ERBIN: variants seen among roughly 807,000 people sequenced by gnomAD.
ERBIN encodes densin-180-like protein.
ERBIN carries 60 observed loss-of-function variants against 158.4 expected under a neutral mutation model. The observed-to-expected ratio is 0.38, with a 90% confidence interval of 0.31 to 0.47. ERBIN has a LOEUF of 0.47. Among genes scored for constraint, ERBIN ranks in the 20% least tolerant of loss-of-function variants. The probability of loss-of-function intolerance (pLI) is 0.99; values close to 1 mark genes in which losing one functional copy is unlikely to be tolerated. For missense variants in ERBIN, 1,610 were observed against 1,648.0 expected, an observed-to-expected ratio of 0.98 and a Z score of 0.40; for synonymous variants, 594 against 557.2, an observed-to-expected ratio of 1.07 and a Z score of -0.93.
At chr5:65,958,493 C>G (rs1045529953) in intron 1 of ERBIN, among the ~76,000 whole-genome samples, 2 of 151,780 alleles carry the variant, frequency 1.3e-5, no homozygotes, top group Non-Finnish European at 2.9e-5. Context: ...GGGCGGTGCG[C>G]GCCTGCAATC....
intron 1 of ERBIN, among the ~76,000 whole-genome samples, chr5:65,968,341 A>G (rs932775909): frequency 2.6e-5 from 4 of 152,210 alleles, no homozygotes; most frequent in Non-Finnish European, 4.4e-5. Context: ...CTGAATATCA[A>G]ATAAGATATA....
At chr5:66,033,776 T>A (rs1014070260) in intron 14 of ERBIN, among the ~76,000 whole-genome samples, 1 of 152,028 alleles carries the variant, frequency 6.6e-6, no homozygotes, top group African/African-American at 2.4e-5. Flanking sequence ...TTGCAGAGCA[T>A]GTTTACAGGT....
At chr5:65,953,448 G>A (rs1031566870) in intron 1 of ERBIN, among the ~76,000 whole-genome samples, 2 of 152,176 alleles carry the variant, frequency 1.3e-5, no homozygotes, top group Non-Finnish European at 1.5e-5. Context: ...TGTATAGCTG[G>A]AGTGGTACCC....
chr5:65,944,167 C>A (rs559726127), intron 1 of ERBIN, among the ~76,000 whole-genome samples: 1 of 149,908 alleles, frequency 6.7e-6, no homozygotes. Flanking sequence ...TACACCGAAG[C>A]GGAATTGCTG....
Position 65,994,820 on chromosome 5 carries a change from T to C in ERBIN, c.263T>C (p.Ile88Thr). ...DNDLTTLPAS[I>T]ANLINLRELD... ...GATTTAACAACGTTACCAGCATCCA[T>C]TGCAAACCTTATTAATCTCAGGGAA... The change falls in exon 4 of 26, where the codon ATT becomes ACT. Residue 88 changes from isoleucine (I) to threonine (T), a missense_variant. Around this residue, in one of 2 missense-constraint regions of ERBIN, gnomAD observed 596 missense variants for 711.9 expected, o/e 0.84. Coordinates refer to ENST00000284037, the MANE Select transcript of ERBIN (RefSeq NM_001253697.2). The C allele has an allele frequency of 1.2e-6, 2 of 1,608,994 alleles. No individual in the cohort carries two copies. Among genetic ancestry groups the C allele is most frequent in the Non-Finnish European group, 1.7e-6 (2 of 1,178,566 alleles).
intron 1 of ERBIN, among the ~76,000 whole-genome samples, chr5:65,970,554 A>G (rs1382702661): frequency 6.6e-6 from 1 of 152,132 alleles, no homozygotes; most frequent in African/African-American, 2.4e-5. Context: ...CCTTACCACC[A>G]GACTATTTGG....
chr5:65,940,876 G>A (rs556993930), intron 1 of ERBIN, among the ~76,000 whole-genome samples: 12 of 152,268 alleles, frequency 7.9e-5, no homozygotes, highest in African/African-American at 2.9e-4. Flanking sequence ...GAATAGAAAG[G>A]GGGGAAAGGC....
intron 1 of ERBIN, among the ~76,000 whole-genome samples, chr5:65,957,709 C>G (rs1017334443): frequency 6.6e-6 from 1 of 152,240 alleles, no homozygotes; most frequent in African/African-American, 2.4e-5. Context: ...CATCATGGCC[C>G]GTTCTCAATG....
chr5:65,982,473 C>G (rs1033075954), intron 1 of ERBIN, among the ~76,000 whole-genome samples: 1 of 152,132 alleles, frequency 6.6e-6, no homozygotes, highest in Non-Finnish European at 1.5e-5. Context: ...ACCCAGTGTA[C>G]TCTCGATCAC....
At chr5:66,077,810 A>G (rs1762148844) in intron 25 of ERBIN, among the ~76,000 whole-genome samples, 1 of 134,788 alleles carries the variant, frequency 7.4e-6, no homozygotes, top group Non-Finnish European at 1.5e-5. Flanking sequence ...ACACACACAC[A>G]GTCACACTCA....
chr5:66,064,895 T>A (rs1212580000), intron 21 of ERBIN, among the ~76,000 whole-genome samples: 1 of 152,212 alleles, frequency 6.6e-6, no homozygotes, highest in Non-Finnish European at 1.5e-5. Flanking sequence ...AGACAGGGTC[T>A]CACTATGTTG....
intron 1 of ERBIN, among the ~76,000 whole-genome samples, chr5:65,954,780 T>C (rs1436883602): frequency 2.0e-5 from 3 of 150,572 alleles, no homozygotes; most frequent in Non-Finnish European, 4.4e-5. Context: ...AAAAATGCAT[T>C]GTAGGCCAGG....
In ERBIN at chr5:65,928,404, AAG is replaced by A. The variant is rs768021251; in HGVS notation, c.-58+1601_-58+1602del. On this transcript the variant is annotated intron_variant, in intron 1 of 25. Transcript: ENST00000284037. The stretch of plus-strand genomic sequence containing the variant: ...AAAGAGGTTATTCTTGGGCATCTGA[AAG>A]AGGTGAACAAAATAAATGGCATTGA... 2.6e-5 allele frequency among the ~76,000 whole-genome samples: 4 copies of A among 152,198 alleles called. No homozygotes were observed. The South Asian group carries it at 8.3e-4, about 31-fold the overall frequency.
intron 13 of ERBIN, among the ~76,000 whole-genome samples, chr5:66,026,822 T>C (rs1306343628): frequency 4.6e-5 from 7 of 152,016 alleles, no homozygotes; most frequent in African/African-American, 1.4e-4. Context: ...GACTTAGCTA[T>C]ATAGTCTTTA....
intron 4 of ERBIN, among the ~76,000 whole-genome samples, chr5:65,999,774 T>C (rs1752838913): frequency 6.6e-6 from 1 of 152,216 alleles, no homozygotes; most frequent in Non-Finnish European, 1.5e-5. Flanking sequence ...TTTCAGACTT[T>C]TCCTTGAGGG....
intron 1 of ERBIN, among the ~76,000 whole-genome samples, chr5:65,927,736 CATAA>C (rs1418983821): frequency 6.6e-6 from 1 of 152,156 alleles, no homozygotes. Context: ...GTCGGTTCTG[CATAA>C]ATAGTGATAG....
At chr5:66,002,514 A>G (rs2151077590) in intron 4 of ERBIN, among the ~76,000 whole-genome samples, 1 of 152,356 alleles carries the variant, frequency 6.6e-6, no homozygotes, top group South Asian at 2.1e-4. Context: ...TTATATGAAC[A>G]TAATGAATAA....
chr5:66,077,073 C>T, intron 25 of ERBIN, 124 bp downstream of exon 25: 1 of 656,510 alleles, frequency 1.5e-6, no homozygotes, highest in Non-Finnish European at 2.5e-6. Context: ...ATGGCGTGAA[C>T]CCGGGAGGCG....
At chr5:65,960,322 TG>T (rs1171213623) in intron 1 of ERBIN, among the ~76,000 whole-genome samples, 1 of 152,036 alleles carries the variant, frequency 6.6e-6, no homozygotes, top group African/African-American at 2.4e-5. Flanking sequence ...GAGGAGTGAT[TG>T]CTTGGTAGGG....
Sources: allele counts gnomAD v4.1 joint callset (sites outside exome capture counted in the v4.1 genomes callset), GRCh38; gene constraint gnomAD v4.1.1; regional missense constraint gnomAD v4.1.1; transcripts MANE v1.5; gene names NCBI Gene and HGNC (gene_info 2026-07-23, HGNC 2026-07-21).